Variants in FLG observed in about 807,000 individuals in gnomAD.
FLG encodes the protein epidermal filaggrin.
FLG carries 6 observed loss-of-function variants against 3.8 expected under a neutral mutation model. The ratio of observed to expected loss-of-function variants is 1.60; its 90% confidence interval spans 0.87 to 3.15. The LOEUF (loss-of-function observed/expected upper bound fraction) is 3.15. Ranked by LOEUF, FLG falls within the 30% of genes most tolerant of loss-of-function variation. The pLI is 0.00. For synonymous variants in FLG, 2,551 were observed against 1,931.6 expected, an observed-to-expected ratio of 1.32 and a Z score of -8.41; for missense variants, 7,595 against 5,050.9, an observed-to-expected ratio of 1.50 and a Z score of -15.27.
At position 152,304,073 on chromosome 1, in the gene FLG, T is replaced by A. The variant is rs76025045; in HGVS notation, c.10813A>T (p.Asn3605Tyr). ...GATGCAGCCTGTCCACCAGAGGAAT[T>A]CTCTGCATGATGAGTGCCTGATTGT... ...SRQSGTHHAE[N>Y]SSGGQAASSH... Residue 3605 changes from asparagine (N) to tyrosine (Y), a missense_variant, in exon 3 of 3, where the codon AAT becomes TAT. By Grantham distance (143) the Asn-to-Tyr change is moderately radical. Coordinates refer to ENST00000368799, the MANE Select transcript of FLG (RefSeq NM_002016.2). The A allele has an allele frequency of 6.2e-7, 1 of 1,612,380 alleles. No individual in the cohort carries two copies. The highest frequency in any genetic ancestry group is 1.7e-5 in the Admixed American group (1 of 59,618).
At position 152,303,647 on chromosome 1, in the gene FLG, T is replaced by A; in HGVS notation, c.11239A>T (p.Arg3747Trp). The part of the protein sequence containing the change: ...SRHEQARDSS[R>W]HSASQEGQDT... Reference sequence around the variant, plus strand: ...TGACCCTCTTGGGACGCTGAGTGCCTGGAGCTGTCTCGTGCCTGCTCGTGG... The same window carrying A: ...TGACCCTCTTGGGACGCTGAGTGCCAGGAGCTGTCTCGTGCCTGCTCGTGG... The change falls in exon 3 of 3, where the codon AGG becomes TGG. Residue 3747 changes from arginine to tryptophan, a missense_variant. Transcript: ENST00000368799. 1 of 1,613,990 alleles carries A rather than the reference T, an allele frequency of 6.2e-7. No individual in the cohort carries two copies. Among genetic ancestry groups the A allele is most frequent in the South Asian group, 1.1e-5 (1 of 91,078 alleles).
Position 152,309,420 on chromosome 1 carries a change from T to C in FLG, c.5466A>G (p.Gly1822=). 1.2e-6 allele frequency: 2 copies of C among 1,613,426 alleles called. No homozygotes were observed. The highest frequency in any genetic ancestry group is 1.7e-6 in the Non-Finnish European group (2 of 1,179,926). Reference sequence around the variant, plus strand: ...GCTCATAGTGGGATCCCTGCCTTCCTCCTCTGCTTGACCCTGGGTGTCCAC... The same window carrying C: ...GCTCATAGTGGGATCCCTGCCTTCCCCCTCTGCTTGACCCTGGGTGTCCAC... ...TIRGHPGSSR[G]GRQGSHYEQS... is the part of the protein sequence containing the mutation. Residue 1822 remains glycine (G), a synonymous_variant, in exon 3 of 3, where the codon GGA becomes GGG. Coordinates refer to ENST00000368799, the MANE Select transcript of FLG (RefSeq NM_002016.2).
chr1:152,305,890 G>C lies in FLG; in HGVS notation c.8996C>G (p.Ala2999Gly). The part of the protein sequence containing the change: ...SRHSGIGHGQ[A>G]SSAVRDSGHR... ...TCCACTGTCTCTGACTGCAGATGAA[G>C]CTTGTCCGTGCCCAATGCCTGAGTG... Residue 2999 changes from alanine (A) to glycine (G), a missense_variant, in exon 3 of 3, where the codon GCT becomes GGT. By Grantham distance (60) the Ala-to-Gly change is moderately conservative. Transcript: ENST00000368799. 7.8e-7 allele frequency: 1 copy of C among 1,285,254 alleles called. No homozygotes were observed. The allele number at this position is 1,285,254 out of a possible 1,614,324, so 79.6% of individuals were successfully genotyped here.
chr1:152,308,184 C>G lies in FLG; in HGVS notation c.6702G>C (p.Arg2234Ser). Reference sequence around the variant, plus strand: ...CACTGGATCCCCGGGGCCTGCTTGTCCTGGGCCCTGATGATTGTCCCTGGC... The same window carrying G: ...CACTGGATCCCCGGGGCCTGCTTGTGCTGGGCCCTGATGATTGTCCCTGGC... ...LVGQGQSSGP[R>S]TSRPRGSSVS... The change falls in exon 3 of 3, where the codon AGG becomes AGC. Residue 2234 changes from arginine to serine, a missense_variant. Coordinates refer to ENST00000368799, the MANE Select transcript of FLG (RefSeq NM_002016.2). 1 of 1,613,918 alleles carries G rather than the reference C, an allele frequency of 6.2e-7. No homozygotes were observed. Among genetic ancestry groups the G allele is most frequent in the Non-Finnish European group, 8.5e-7 (1 of 1,179,942 alleles).
chr1:152,311,918 C>T lies in FLG; in HGVS notation c.2968G>A (p.Glu990Lys), dbSNP rs764938074. 1.2e-5 allele frequency: 20 copies of T among 1,613,964 alleles called. No individual in the cohort carries two copies. The highest frequency in any genetic ancestry group is 3.3e-5 in the South Asian group (3 of 91,072). The change falls in exon 3 of 3, where the codon GAA (glutamate) becomes AAA (lysine). Residue 990 changes from glutamate (E) to lysine (K), a missense_variant. Coordinates refer to ENST00000368799, the MANE Select transcript of FLG (RefSeq NM_002016.2). The part of the protein sequence containing the change: ...HGSRHPRSHH[E>K]DRAGHGHSAD... ...GAGTGCCCGTGACCGGCTCTGTCTT[C>T]GTGATGGGACCTGGGGTGTCTGGAG...
At chr1:152,324,678 C>T (rs779355102) in intron 1 of FLG, among the ~76,000 whole-genome samples, 8 of 151,616 alleles carry the variant, frequency 5.3e-5, no homozygotes, top group Non-Finnish European at 1.0e-4. Context: ...TTAAGCTTAT[C>T]AGCTATTATT....
chr1:152,325,039 A>G (rs1487203791), intron 1 of FLG, 150 bp downstream of exon 1: 1 of 151,880 alleles, frequency 6.6e-6, no homozygotes, highest in African/African-American at 2.4e-5. Flanking sequence ...TTTTCCTTCT[A>G]TATAGAAATA....
At position 152,308,431 on chromosome 1, in the gene FLG, G is replaced by A; in HGVS notation, c.6455C>T (p.Ser2152Phe). ...PGPSRGGRQG[S>F]HQEQSVDRSG... ...CCTATCTACCGATTGCTCTTGGTGG[G>A]ACCCCTGTCTTCCTCCTCTGCTTGG... The change falls in exon 3 of 3, where the codon TCC becomes TTC. Residue 2152 changes from serine (S) to phenylalanine (F), a missense_variant. Transcript: ENST00000368799. 2 of 1,610,620 alleles carry A rather than the reference G, an allele frequency of 1.2e-6. No individual in the cohort carries two copies. Among genetic ancestry groups the A allele is most frequent in the Non-Finnish European group, 1.7e-6 (2 of 1,179,842 alleles).
chr1:152,311,934 G>GT lies in FLG; in HGVS notation c.2951dup (p.His984GlnfsTer40). The GT allele has an allele frequency of 1.2e-6, 2 of 1,614,124 alleles. No individual in the cohort carries two copies. Among genetic ancestry groups the GT allele is most frequent in the Non-Finnish European group, 1.7e-6 (2 of 1,180,010 alleles). On this transcript the variant is annotated frameshift_variant, in exon 3 of 3. Coordinates refer to ENST00000368799, the MANE Select transcript of FLG (RefSeq NM_002016.2). LOFTEE classifies it low-confidence loss of function (END_TRUNC). Reference sequence around the variant, plus strand: ...CTCTGTCTTCGTGATGGGACCTGGGGTGTCTGGAGCCATGTCTTGACTGCT... The same window carrying GT: ...CTCTGTCTTCGTGATGGGACCTGGGGTTGTCTGGAGCCATGTCTTGACTGCT...
Position 152,310,355 on chromosome 1 carries a change from T to C in FLG, c.4531A>G (p.Arg1511Gly). The change falls in exon 3 of 3, where the codon AGG becomes GGG. Residue 1511 changes from arginine to glycine, a missense_variant. Transcript: ENST00000368799. Reference protein sequence around the residue: ...QGSYHEQSVDRSGHSGYHHSH... With the variant: ...QGSYHEQSVDGSGHSGYHHSH... ...TGATGGTACCCTGAGTGTCCAGACC[T>C]ATCTACTGATTGCTCGTGGTAGGAT... 2 of 1,613,932 alleles carry C rather than the reference T, an allele frequency of 1.2e-6. No homozygotes were observed. The highest frequency in any genetic ancestry group is 2.2e-5 in the East Asian group (1 of 44,848).
Position 152,311,885 on chromosome 1 carries a change from T to A in FLG, c.3001A>T (p.Ser1001Cys). Residue 1001 changes from serine to cysteine, a missense_variant, in exon 3 of 3, where the codon AGC becomes TGC. By Grantham distance (112) the Ser-to-Cys change is moderately radical. Transcript: ENST00000368799. ...DRAGHGHSAD[S>C]SRQSGTPHAE... ...TGAGGAGTTCCTGATTGTCTGGAGC[T>A]GTCTGCAGAGTGCCCGTGACCGGCT... 1.9e-6 allele frequency: 3 copies of A among 1,614,176 alleles called. No homozygotes were observed. Among genetic ancestry groups the A allele is most frequent in the South Asian group, 1.1e-5 (1 of 91,078 alleles).
chr1:152,324,953 T>C (rs1303765095), intron 1 of FLG, among the ~76,000 whole-genome samples: 1 of 151,938 alleles, frequency 6.6e-6, no homozygotes, highest in African/African-American at 2.4e-5. Flanking sequence ...ACATATTTGT[T>C]AAGTAAATGA....
At position 152,311,629 on chromosome 1, in the gene FLG, A is replaced by G. The variant is rs754391011; in HGVS notation, c.3257T>C (p.Val1086Ala). ...GGGCCCATCCTGTCCATGGCCTGACACTGACTGTGTGTCTGACTCCTCTGA... is the reference window on the plus strand; with the variant it reads ...GGGCCCATCCTGTCCATGGCCTGACGCTGACTGTGTGTCTGACTCCTCTGA... Reference protein sequence around the residue: ...GHSEESDTQSVSGHGQDGPHQ... With the variant: ...GHSEESDTQSASGHGQDGPHQ... The change falls in exon 3 of 3, where the codon GTG becomes GCG. Residue 1086 changes from valine to alanine, a missense_variant. Coordinates refer to ENST00000368799, the MANE Select transcript of FLG (RefSeq NM_002016.2). 1 of 1,613,854 alleles carries G rather than the reference A, an allele frequency of 6.2e-7. No homozygotes were observed. The highest frequency in any genetic ancestry group is 8.5e-7 in the Non-Finnish European group (1 of 1,179,946).
rs149339554 is a variant in FLG, at chr1:152,308,239, C to T, written c.6647G>A (p.Trp2216Ter). The T allele has an allele frequency of 2.5e-6, 4 of 1,613,958 alleles. No homozygotes were observed. The highest frequency in any genetic ancestry group is 2.2e-5 in the East Asian group (1 of 44,858). Residue 2216 changes from tryptophan (W) to a stop codon, truncating the protein, a stop_gained, in exon 3 of 3, where the codon TGG becomes TAG. Transcript: ENST00000368799. LOFTEE classifies it low-confidence loss of function (END_TRUNC). ...SGSHHHEASS[W>*]ADSSRHSLVG... ...CAGTGAGTGTCTAGAGCTGTCGGCCCAAGAGGAAGCTTCATGATGATGCGA... is the reference window on the plus strand; with the variant it reads ...CAGTGAGTGTCTAGAGCTGTCGGCCTAAGAGGAAGCTTCATGATGATGCGA...
rs80221306 is a variant in FLG, at chr1:152,306,079, T to C, written c.8807A>G (p.Asp2936Gly). 0.16 allele frequency: 254,786 copies of C among 1,555,288 alleles called. 35 individuals are homozygous for C. The highest frequency in any genetic ancestry group is 0.41 in the East Asian group (17,996 of 43,758). Reference protein sequence around the residue: ...GSRHPRSHQEDRAGHGHSADS... With the variant: ...GSRHPRSHQEGRAGHGHSADS... ...TGCAGAGTGCCCATGACCAGCTCTG[T>C]CTTCTTGATGGGACCTGGGGTGTCT... Residue 2936 changes from aspartate to glycine, a missense_variant, in exon 3 of 3, where the codon GAC becomes GGC. Coordinates refer to ENST00000368799, the MANE Select transcript of FLG (RefSeq NM_002016.2).
Position 152,313,508 on chromosome 1 carries a change from C to T in FLG, c.1378G>A (p.Glu460Lys), listed in dbSNP as rs199756380. 1.9e-5 allele frequency: 31 copies of T among 1,613,972 alleles called. No individual in the cohort carries two copies. The East Asian group carries it at 6.0e-4, about 31-fold the overall frequency. Residue 460 changes from glutamate (E) to lysine (K), a missense_variant, in exon 3 of 3, where the codon GAA (glutamate) becomes AAA (lysine). Coordinates refer to ENST00000368799, the MANE Select transcript of FLG (RefSeq NM_002016.2). ...HQESTRGRSG[E>K]RSGRSGSSLY... Reference sequence around the variant, plus strand: ...GAAGACCCTGAACGTCCAGACCGTTCCCCTGACCGGCCACGTGTGGACTCT... The same window carrying T: ...GAAGACCCTGAACGTCCAGACCGTTTCCCTGACCGGCCACGTGTGGACTCT...
In FLG at chr1:152,313,057, C is replaced by A. The variant is rs200858156; in HGVS notation, c.1829G>T (p.Gly610Val). 115 of 1,613,796 alleles carry A rather than the reference C, an allele frequency of 7.1e-5. 1 individual carries two copies. The highest frequency in any genetic ancestry group is 9.0e-5 in the Non-Finnish European group (106 of 1,180,004). Reference protein sequence around the residue: ...HSQVGQGQSSGPRTSRNQGSS... With the variant: ...HSQVGQGQSSVPRTSRNQGSS... ...TCCCTGGTTCCTACTTGTCCTGGGC[C>A]CCGATGATTGTCCCTGGCCCACCTG... The change falls in exon 3 of 3, where the codon GGG (glycine) becomes GTG (valine). Residue 610 changes from glycine to valine, a missense_variant. Gly to Val is a moderately radical substitution (Grantham distance 109, BLOSUM62 -3). Transcript: ENST00000368799.
Position 152,310,897 on chromosome 1 carries a change from C to G in FLG, c.3989G>C (p.Gly1330Ala). The part of the protein sequence containing the change: ...GHSADSSRQS[G>A]THHTESSSHG... ...AGAGGAAGACTCTGTGTGATGAGTGCCTGATTGTCTGGAGCTGTCTGCAGA... is the reference window on the plus strand; with the variant it reads ...AGAGGAAGACTCTGTGTGATGAGTGGCTGATTGTCTGGAGCTGTCTGCAGA... The change falls in exon 3 of 3, where the codon GGC (glycine) becomes GCC (alanine). Residue 1330 changes from glycine to alanine, a missense_variant. Gly to Ala is a moderately conservative substitution (Grantham distance 60). Transcript: ENST00000368799. 6.2e-7 allele frequency: 1 copy of G among 1,613,956 alleles called. No individual in the cohort carries two copies. The highest frequency in any genetic ancestry group is 2.2e-5 in the East Asian group (1 of 44,880).
intron 1 of FLG, among the ~76,000 whole-genome samples, chr1:152,316,094 C>T (rs922960983): frequency 6.6e-6 from 1 of 152,082 alleles, no homozygotes; most frequent in Non-Finnish European, 1.5e-5. Context: ...CAGTTTATCT[C>T]ATTGGTGAAG....
Sources: gnomAD v4.1 joint callset for allele counts (sites outside exome capture counted in the v4.1 genomes callset) on GRCh38, gnomAD v4.1.1 for gene constraint, MANE v1.5 for transcripts, NCBI Gene and HGNC (gene_info 2026-07-23, HGNC 2026-07-21) for gene names.